The following LRRTM4 variants were observed in gnomAD, a reference collection of about 807,000 sequenced individuals.
LRRTM4 encodes leucine rich repeat transmembrane neuronal 4, also known as leucine-rich repeat transmembrane neuronal protein 4.
LRRTM4 carries 25 observed loss-of-function variants against 47.6 expected under a neutral mutation model. The observed-to-expected ratio is 0.53, with a 90% CI of 0.38 to 0.73. The LOEUF (loss-of-function observed/expected upper bound fraction) is 0.73. Among genes scored for constraint, LRRTM4 ranks in the 30% least tolerant of loss-of-function variants. The pLI is 0.00. For synonymous variants in LRRTM4, 311 were observed against 269.5 expected (o/e 1.15, Z -1.51); for missense variants, 638 against 713.4 (o/e 0.89, Z 1.20).
intron 3 of LRRTM4, among the ~76,000 whole-genome samples, chr2:77,418,252 G>A (rs934092663): frequency 6.6e-6 from 1 of 152,090 alleles, no homozygotes; most frequent in Admixed American, 6.5e-5. Context: ...CAATAGCAGT[G>A]TTACACATAG....
intron 3 of LRRTM4, among the ~76,000 whole-genome samples, chr2:76,993,267 A>G (rs969746590): frequency 3.3e-5 from 5 of 151,998 alleles, no homozygotes; most frequent in Non-Finnish European, 7.4e-5. Flanking sequence ...AAAAATTGAG[A>G]AGTAGGGACT....
rs557817049 is a variant in LRRTM4 at position 77,101,051 on chromosome 2, G to A, written c.1552-352135C>T. On this transcript the variant is annotated intron_variant, in intron 3 of 3. Coordinates refer to ENST00000409884, the MANE Select transcript of LRRTM4 (RefSeq NM_001134745.3). Reference sequence around the variant, plus strand: ...GGGGTTTCACCACATTGGCCAGGATGGTCTTGATCTCCTGACCTCGTGATC... The same window carrying A: ...GGGGTTTCACCACATTGGCCAGGATAGTCTTGATCTCCTGACCTCGTGATC... Among the ~76,000 whole-genome samples the A allele has an allele frequency of 4.9e-4, 74 of 151,896 alleles. 1 individual carries two copies. The highest frequency in any genetic ancestry group is 3.4e-3 in the Middle Eastern group (1 of 294).
chr2:77,201,183 C>A (rs1673964423), intron 3 of LRRTM4, among the ~76,000 whole-genome samples: 1 of 152,070 alleles, frequency 6.6e-6, no homozygotes, highest in South Asian at 2.1e-4. Context: ...AAATTAAAAA[C>A]CTTTAAATAG....
chr2:77,183,744 T>C (rs1573049327), intron 3 of LRRTM4, among the ~76,000 whole-genome samples: 1 of 152,160 alleles, frequency 6.6e-6, no homozygotes. Flanking sequence ...TGGAATACTA[T>C]GCAGCCATAA....
chr2:77,184,326 C>T (rs997170078), intron 3 of LRRTM4, among the ~76,000 whole-genome samples: 1 of 151,972 alleles, frequency 6.6e-6, no homozygotes, highest in African/African-American at 2.4e-5. Flanking sequence ...CAATATTTTT[C>T]TTGGATATTT....
At chr2:77,454,199 A>T (rs143457841) in intron 3 of LRRTM4, among the ~76,000 whole-genome samples, 2,062 of 152,294 alleles carry the variant, frequency 0.014, 33 homozygotes, top group African/African-American at 0.045. Flanking sequence ...ATAATATTTT[A>T]AAAAACTTTT....
At chr2:77,090,510 G>A (rs12614582) in intron 3 of LRRTM4, among the ~76,000 whole-genome samples, 65,315 of 151,820 alleles carry the variant, frequency 0.43, 17,101 homozygotes, top group African/African-American at 0.72. Flanking sequence ...TTCAAGGTGT[G>A]CAATAATAGA....
chr2:76,913,862 T>G (rs1674154484), intron 3 of LRRTM4, among the ~76,000 whole-genome samples: 1 of 152,058 alleles, frequency 6.6e-6, no homozygotes, highest in Non-Finnish European at 1.5e-5. Context: ...TTCTTTATAT[T>G]TATTAGAAGT....
chr2:77,173,058 G>T (rs1253441940), intron 3 of LRRTM4, among the ~76,000 whole-genome samples: 2 of 152,124 alleles, frequency 1.3e-5, no homozygotes, highest in African/African-American at 2.4e-5. Context: ...TGGGCATGAT[G>T]GACAAGTTGT....
At chr2:77,490,231 C>G (rs1400771711) in intron 3 of LRRTM4, among the ~76,000 whole-genome samples, 1 of 150,884 alleles carries the variant, frequency 6.6e-6, no homozygotes, top group Non-Finnish European at 1.5e-5. Flanking sequence ...GCCTGGGTAA[C>G]AGAGTGTGAC....
chr2:77,492,389 A>G (rs1009913527), intron 3 of LRRTM4, among the ~76,000 whole-genome samples: 9 of 152,092 alleles, frequency 5.9e-5, no homozygotes, highest in African/African-American at 1.9e-4. Context: ...CCTCTAGAGT[A>G]TCTGGACTAC....
chr2:77,134,517 A>G (rs1671881798), intron 3 of LRRTM4, among the ~76,000 whole-genome samples: 1 of 152,210 alleles, frequency 6.6e-6, no homozygotes, highest in Non-Finnish European at 1.5e-5. Context: ...TTATGGATTT[A>G]GTTTTTCTAT....
intron 3 of LRRTM4, among the ~76,000 whole-genome samples, chr2:77,393,563 G>A (rs73941251): frequency 0.029 from 4,472 of 152,092 alleles, 218 homozygotes; most frequent in African/African-American, 0.1. Flanking sequence ...TTACTAAAGA[G>A]CTTATGTTTT....
At chr2:77,263,762 A>C (rs1171376300) in intron 3 of LRRTM4, among the ~76,000 whole-genome samples, 1 of 152,048 alleles carries the variant, frequency 6.6e-6, no homozygotes, top group Non-Finnish European at 1.5e-5. Flanking sequence ...AGCTTCTTTT[A>C]CTGTAAAGTT....
intron 3 of LRRTM4, among the ~76,000 whole-genome samples, chr2:77,310,749 C>A (rs898584329): frequency 4.6e-5 from 7 of 152,160 alleles, no homozygotes. Context: ...CAACTACAAG[C>A]AATGTGTCAA....
chr2:76,785,575 C>T (rs1162688924), intron 3 of LRRTM4, among the ~76,000 whole-genome samples: 1 of 152,016 alleles, frequency 6.6e-6, no homozygotes, highest in Non-Finnish European at 1.5e-5. Context: ...AGATTTTCTC[C>T]TAGTAATTTA....
intron 3 of LRRTM4, among the ~76,000 whole-genome samples, chr2:77,328,977 A>G (rs1670875400): frequency 6.6e-6 from 1 of 152,180 alleles, no homozygotes; most frequent in African/African-American, 2.4e-5. Flanking sequence ...GTGTTTCTGA[A>G]CTGAGTTTTC....
intron 3 of LRRTM4, among the ~76,000 whole-genome samples, chr2:77,089,884 C>T (rs1483045625): frequency 6.6e-6 from 1 of 152,148 alleles, no homozygotes; most frequent in Non-Finnish European, 1.5e-5. Flanking sequence ...GCCTGATGTC[C>T]AGGCATTCTT....
At chr2:76,766,677 C>G (rs1673469098) in intron 3 of LRRTM4, among the ~76,000 whole-genome samples, 1 of 152,190 alleles carries the variant, frequency 6.6e-6, no homozygotes, top group Admixed American at 6.5e-5. Flanking sequence ...TCCTGCCTTG[C>G]TACAGTTCTG....
Sources: gnomAD v4.1 joint callset for allele counts (sites outside exome capture counted in the v4.1 genomes callset) on GRCh38, gnomAD v4.1.1 for gene constraint, MANE v1.5 for transcripts, NCBI Gene and HGNC (gene_info 2026-07-23, HGNC 2026-07-21) for gene names.